PHKA1: variants seen among roughly 807,000 people sequenced by gnomAD.
PHKA1 encodes phosphorylase b kinase regulatory subunit alpha, skeletal muscle isoform.
PHKA1 carries 60 observed loss-of-function variants against 110.2 expected under a neutral mutation model. The observed-to-expected ratio is 0.54, with a 90% confidence interval of 0.44 to 0.68. PHKA1 has a LOEUF of 0.68. Among genes scored for constraint, PHKA1 ranks in the 30% least tolerant of loss-of-function variants. The pLI is 0.00. For synonymous variants in PHKA1, 316 were observed against 333.6 expected, an observed-to-expected ratio of 0.95 and a Z score of 0.58; for missense variants, 801 against 942.5, an observed-to-expected ratio of 0.85 and a Z score of 1.97.
At chrX:72,594,721 C>T (rs1031376286) in intron 28 of PHKA1, among the ~76,000 whole-genome samples, 10 of 112,457 alleles carry the variant, frequency 8.9e-5, no homozygotes, top group Non-Finnish European at 1.5e-4. Flanking sequence ...GAGGCTGAGG[C>T]GGAAGGATTG....
chrX:72,655,990 T>C, intron 10 of PHKA1, 130 bp downstream of exon 10: 1 of 728,462 alleles, frequency 1.4e-6, no homozygotes, highest in Non-Finnish European at 2.1e-6. Flanking sequence ...CCTCAACTAG[T>C]AGCCTGTAGG....
intron 16 of PHKA1, among the ~76,000 whole-genome samples, chrX:72,632,278 T>C (rs868928188): frequency 4.3e-4 from 48 of 112,048 alleles, no homozygotes; most frequent in African/African-American, 1.5e-3. Context: ...CATGAATATA[T>C]AATAGTTTTG....
Position 72,695,827 on chromosome X carries a change from A to G in PHKA1, c.335T>C (p.Leu112Pro). 2.5e-6 allele frequency: 3 copies of G among 1,207,344 alleles called. No homozygotes were observed. The highest frequency in any genetic ancestry group is 3.4e-6 in the Non-Finnish European group (3 of 891,677). ...GGTTTTGGTGTTGTACTTTGCATGG[A>G]GGCTATCCTTAGTACTCTGACTATA... ...FKYSQSTKDS[L>P]HAKYNTKTCA... Residue 112 changes from leucine to proline, a missense_variant, in exon 4 of 32, where the codon CTC becomes CCC. By Grantham distance (98) the Leu-to-Pro change is moderately conservative. Around this residue, in one of 2 missense-constraint regions of PHKA1, gnomAD observed 299 missense variants for 423.3 expected, o/e 0.71. Transcript: ENST00000373542.
chrX:72,603,865 G>A lies in PHKA1; in HGVS notation c.2816-645C>T, dbSNP rs1569427316. On this transcript the variant is annotated intron_variant, in intron 25 of 31. Coordinates refer to ENST00000373542, the MANE Select transcript of PHKA1 (RefSeq NM_002637.4). ...GCATATTCTATGTGCCAAATGAGAGGTATAGACAATAATTGCCTTTGAAAT... is the reference window on the plus strand; with the variant it reads ...GCATATTCTATGTGCCAAATGAGAGATATAGACAATAATTGCCTTTGAAAT... 3.6e-5 allele frequency among the ~76,000 whole-genome samples: 4 copies of A among 111,114 alleles called. No individual in the cohort carries two copies. The South Asian group carries it at 1.5e-3, about 42-fold the overall frequency.
At chrX:72,650,369 A>T in intron 13 of PHKA1, 21 bp downstream of exon 13, 1 of 1,172,282 alleles carries the variant, frequency 8.5e-7, no homozygotes, top group Non-Finnish European at 1.2e-6. Flanking sequence ...AGTTTCTTCC[A>T]CTGGGAATAA....
intron 18 of PHKA1, chrX:72,622,835 C>T: frequency 1.3e-6 from 1 of 754,300 alleles, no homozygotes; most frequent in Non-Finnish European, 1.6e-6. Context: ...CTTCCCATGT[C>T]AAAATCACCA....
chrX:72,586,707 C>G (rs1056329533), intron 29 of PHKA1, among the ~76,000 whole-genome samples: 3 of 110,022 alleles, frequency 2.7e-5, no homozygotes, highest in Non-Finnish European at 5.7e-5. Flanking sequence ...GAATGGCTAA[C>G]TAGAATAAAC....
intron 13 of PHKA1, among the ~76,000 whole-genome samples, chrX:72,648,931 T>C (rs2053393742): frequency 9.0e-6 from 1 of 111,707 alleles, no homozygotes; most frequent in South Asian, 3.7e-4. Flanking sequence ...ACTTTGAGAC[T>C]GAAGTGTTAG....
intron 14 of PHKA1, among the ~76,000 whole-genome samples, chrX:72,641,261 A>G (rs1412915724): frequency 1.8e-5 from 2 of 111,891 alleles, no homozygotes; most frequent in African/African-American, 6.5e-5. Flanking sequence ...AAAGCTGTTC[A>G]CAAGCTTATC....
chrX:72,612,528 T>C (rs1164020046), intron 21 of PHKA1, among the ~76,000 whole-genome samples: 5 of 112,208 alleles, frequency 4.5e-5, no homozygotes, highest in African/African-American at 1.3e-4. Context: ...ACACGTGAAA[T>C]GCTGTATGCT....
rs201347739 is a variant in PHKA1 at position 72,697,983 on chromosome X, C to CAA, written c.286-2109_286-2108dup. Among the ~76,000 whole-genome samples, 24 of 98,256 alleles carry CAA rather than the reference C, an allele frequency of 2.4e-4. No homozygotes were observed. In the East Asian group the frequency reaches 3.5e-3, roughly 15 times the overall value. The allele number at this position is 98,256 out of a possible 115,157, so 85.3% of individuals were successfully genotyped here. On this transcript the variant is annotated intron_variant, in intron 3 of 31. Coordinates refer to ENST00000373542, the MANE Select transcript of PHKA1 (RefSeq NM_002637.4). The stretch of plus-strand genomic sequence containing the variant: ...TGGGTGACAGAGCGAGACTCTGTCT[C>CAA]AAAAAAAAAAAAATTTTTTTTAAGT...
chrX:72,649,790 G>A (rs1287817333), intron 13 of PHKA1, among the ~76,000 whole-genome samples: 4 of 110,505 alleles, frequency 3.6e-5, no homozygotes, highest in African/African-American at 9.9e-5. Context: ...TCAGGAGTTC[G>A]AGACCAGCCT....
intron 2 of PHKA1, among the ~76,000 whole-genome samples, chrX:72,708,492 T>C (rs996256381): frequency 1.8e-5 from 2 of 111,493 alleles, no homozygotes; most frequent in Non-Finnish European, 3.8e-5. Flanking sequence ...GTTTCGACTT[T>C]ACTTGTGGAG....
chrX:72,713,320 T>G lies in PHKA1; in HGVS notation c.79-383A>C, dbSNP rs151223880. On this transcript the variant is annotated intron_variant, in intron 1 of 31. Transcript: ENST00000373542. Reference sequence around the variant, plus strand: ...TTTCAAGTATACAGTACAGTATGATTAACTACAGTCACCATGCTGCTGTAC... The same window carrying G: ...TTTCAAGTATACAGTACAGTATGATGAACTACAGTCACCATGCTGCTGTAC... 3.0e-3 allele frequency among the ~76,000 whole-genome samples: 335 copies of G among 111,235 alleles called. 1 individual carries two copies. Among genetic ancestry groups the G allele is most frequent in the Admixed American group, 4.8e-3 (50 of 10,447 alleles).
intron 6 of PHKA1, among the ~76,000 whole-genome samples, chrX:72,674,076 G>A (rs1556310517): frequency 9.4e-6 from 1 of 106,899 alleles, no homozygotes; most frequent in African/African-American, 3.4e-5. Context: ...TTGTCCTTGG[G>A]ATAGTTTGCT....
chrX:72,584,908 C>A (rs1421857558), intron 29 of PHKA1, among the ~76,000 whole-genome samples: 4 of 69,462 alleles, frequency 5.8e-5, no homozygotes, highest in African/African-American at 2.3e-4. Flanking sequence ...CCCCTCCCCC[C>A]ACCCCATGAC....
intron 5 of PHKA1, among the ~76,000 whole-genome samples, chrX:72,683,299 G>A (rs1311312265): frequency 9.0e-6 from 1 of 111,482 alleles, no homozygotes; most frequent in Non-Finnish European, 1.9e-5. Flanking sequence ...TTAGCTGGAT[G>A]TGGTGGCGTA....
chrX:72,640,394 G>T (rs2053282846), intron 14 of PHKA1, among the ~76,000 whole-genome samples: 1 of 111,455 alleles, frequency 9.0e-6, no homozygotes, highest in African/African-American at 3.3e-5. Flanking sequence ...ACAGAAAAAG[G>T]CTATTTATGA....
At position 72,605,229 on chromosome X, in the gene PHKA1, T is replaced by C. The variant is rs375028986; in HGVS notation, c.2815+42A>G. 6.2e-6 allele frequency: 7 copies of C among 1,126,299 alleles called. No homozygotes were observed. In the African/African-American group the frequency reaches 1.1e-4, roughly 17 times the overall value. 92.8% of individuals were successfully genotyped at this position (1,126,299 alleles called of 1,213,427 possible). ...TTATTCCAAACTCTATAAACTTACA[T>C]CAAAAGTGAATTCCACCTAAAATAG... On this transcript the variant is annotated intron_variant, in intron 25 of 31. Transcript: ENST00000373542.
Sources: gnomAD v4.1 joint callset for allele counts (sites outside exome capture counted in the v4.1 genomes callset) on GRCh38, gnomAD v4.1.1 for gene constraint, gnomAD v4.1.1 regional missense constraint, MANE v1.5 for transcripts, NCBI Gene and HGNC (gene_info 2026-07-23, HGNC 2026-07-21) for gene names.